ZMYM4: variants seen among roughly 807,000 people sequenced by gnomAD.
ZMYM4 encodes the protein zinc finger MYM-type protein 4.
ZMYM4 carries 31 observed loss-of-function variants against 183.2 expected under a neutral mutation model. The observed-to-expected ratio is 0.17, with a 90% CI of 0.13 to 0.23. The LOEUF is 0.23. Among genes scored for constraint, ZMYM4 ranks in the 10% least tolerant of loss-of-function variants. The probability of loss-of-function intolerance (pLI) is 1.00; values close to 1 mark genes in which losing one functional copy is unlikely to be tolerated. For missense variants in ZMYM4, 1,273 were observed against 1,840.3 expected (o/e 0.69, Z 5.64); for synonymous variants, 592 against 631.2 (o/e 0.94, Z 0.93).
In ZMYM4 at chr1:35,314,227, T is replaced by C. The variant is rs118031485; in HGVS notation, c.40-11133T>C. Among the ~76,000 whole-genome samples, 147 of 152,282 alleles carry C rather than the reference T, an allele frequency of 9.7e-4. 1 individual carries two copies. In the East Asian group the frequency reaches 0.021, roughly 22 times the overall value. On this transcript the variant is annotated intron_variant, in intron 1 of 29. Coordinates refer to ENST00000314607, the MANE Select transcript of ZMYM4 (RefSeq NM_005095.3). ...ACCAATTCTATACATTATTTTGGAC[T>C]AGTAAACTTAATGACAAAAACTATA...
chr1:35,301,461 G>A (rs982641423), intron 1 of ZMYM4, among the ~76,000 whole-genome samples: 7 of 151,542 alleles, frequency 4.6e-5, no homozygotes, highest in South Asian at 2.1e-4. Flanking sequence ...CAGGAGGATC[G>A]CTTGAACCTA....
chr1:35,296,789 G>A (rs1641034262), intron 1 of ZMYM4, among the ~76,000 whole-genome samples: 1 of 151,318 alleles, frequency 6.6e-6, no homozygotes, highest in Non-Finnish European at 1.5e-5. Flanking sequence ...GAAGTTTCAA[G>A]GTCCCATTAT....
intron 2 of ZMYM4, chr1:35,351,471 G>A: frequency 4.5e-6 from 7 of 1,566,620 alleles, no homozygotes; most frequent in Non-Finnish European, 5.2e-6. Flanking sequence ...AGAGAATCCA[G>A]TCTATGAAAA....
intron 2 of ZMYM4, among the ~76,000 whole-genome samples, chr1:35,358,613 A>G (rs1486888203): frequency 1.3e-5 from 2 of 150,514 alleles, no homozygotes; most frequent in Admixed American, 6.6e-5. Context: ...TTAGGATTAC[A>G]TAGATTTTCA....
intron 1 of ZMYM4, among the ~76,000 whole-genome samples, chr1:35,286,492 C>G (rs1290153059): frequency 6.6e-6 from 1 of 152,048 alleles, no homozygotes; most frequent in Non-Finnish European, 1.5e-5. Flanking sequence ...CTGGAGACCA[C>G]AGCCTGAACT....
At chr1:35,370,271 T>A in intron 6 of ZMYM4, 101 bp from the exon 7 acceptor site, 1 of 1,451,530 alleles carries the variant, frequency 6.9e-7, no homozygotes, top group Non-Finnish European at 9.1e-7. Context: ...CAAGACTAGT[T>A]CTAGAAGAGA....
chr1:35,351,216 G>A, intron 2 of ZMYM4: 1 of 1,443,836 alleles, frequency 6.9e-7, no homozygotes, highest in Non-Finnish European at 9.7e-7. Context: ...GAAGGGCGCT[G>A]TGGATGGAGG....
At position 35,390,014 on chromosome 1, in the gene ZMYM4, A is replaced by T. The variant is rs770788739; in HGVS notation, c.2503A>T (p.Met835Leu). 9 of 1,613,990 alleles carry T rather than the reference A, an allele frequency of 5.6e-6. No homozygotes were observed. The highest frequency in any genetic ancestry group is 2.2e-5 in the East Asian group (1 of 44,856). The change falls in exon 15 of 30, where the codon ATG (methionine) becomes TTG (leucine). Residue 835 changes from methionine (M) to leucine (L), a missense_variant. Met to Leu is a conservative substitution (Grantham distance 15). Around this residue, in one of 6 missense-constraint regions of ZMYM4, gnomAD observed 290 missense variants for 353.3 expected, o/e 0.82. Transcript: ENST00000314607. Reference sequence around the variant, plus strand: ...TGAGTCCTTGAAATGGCGAGGGGAAATGAAACATTTCTGTAACCTGCTTTG... The same window carrying T: ...TGAGTCCTTGAAATGGCGAGGGGAATTGAAACATTTCTGTAACCTGCTTTG... The part of the protein sequence containing the change: ...LSESLKWRGE[M>L]KHFCNLLCIL...
In ZMYM4 at chr1:35,300,278, A is replaced by C. The variant is rs564200939; in HGVS notation, c.40-25082A>C. Among the ~76,000 whole-genome samples the C allele has an allele frequency of 2.0e-5, 3 of 152,298 alleles. No individual in the cohort carries two copies. In the South Asian group the frequency reaches 6.2e-4, roughly 32 times the overall value. On this transcript the variant is annotated intron_variant, in intron 1 of 29. Transcript: ENST00000314607. ...CCTCCAGATTCTATTTTCCTGCCTC[A>C]GCATTGCTTCTATGAGTCTACTCTT...
chr1:35,370,443 C>A lies in ZMYM4; in HGVS notation c.997C>A (p.Pro333Thr). 1 of 1,586,586 alleles carries A rather than the reference C, an allele frequency of 6.3e-7. No individual in the cohort carries two copies. Among genetic ancestry groups the A allele is most frequent in the South Asian group, 1.1e-5 (1 of 90,440 alleles). ...CATGAATAAAATGCTTCCTTCAGTTCCAGCCACAGCTGTTCGAGTTTCCTG... is the reference window on the plus strand; with the variant it reads ...CATGAATAAAATGCTTCCTTCAGTTACAGCCACAGCTGTTCGAGTTTCCTG... ...SGMNKMLPSV[P>T]ATAVRVSCSG... Residue 333 changes from proline to threonine, a missense_variant, in exon 7 of 30, where the codon CCA becomes ACA. Pro to Thr is a conservative substitution (Grantham distance 38). This residue lies in a region of ZMYM4 where 384 missense variants were observed against 465.6 expected (regional missense o/e 0.82). Coordinates refer to ENST00000314607, the MANE Select transcript of ZMYM4 (RefSeq NM_005095.3).
At chr1:35,330,244 G>A (rs1283846694) in intron 2 of ZMYM4, among the ~76,000 whole-genome samples, 1 of 151,874 alleles carries the variant, frequency 6.6e-6, no homozygotes, top group Non-Finnish European at 1.5e-5. Flanking sequence ...GAAGAAGGGA[G>A]GGAGGGAGGG....
intron 1 of ZMYM4, among the ~76,000 whole-genome samples, chr1:35,287,525 C>G (rs1343964139): frequency 6.6e-6 from 1 of 152,120 alleles, no homozygotes; most frequent in Non-Finnish European, 1.5e-5. Context: ...TCCTTCTTCC[C>G]TGCCAATTAC....
chr1:35,273,706 C>T (rs1639727826), intron 1 of ZMYM4, among the ~76,000 whole-genome samples: 1 of 152,130 alleles, frequency 6.6e-6, no homozygotes. Context: ...TCTTGCCTCC[C>T]CACATTTGTG....
chr1:35,378,172 T>G (rs1558121504), intron 7 of ZMYM4, among the ~76,000 whole-genome samples: 1 of 152,166 alleles, frequency 6.6e-6, no homozygotes, highest in Non-Finnish European at 1.5e-5. Flanking sequence ...TCTCTTACTA[T>G]TTCTCCCACA....
intron 1 of ZMYM4, among the ~76,000 whole-genome samples, chr1:35,311,930 C>T (rs553859490): frequency 2.4e-4 from 36 of 152,120 alleles, no homozygotes; most frequent in African/African-American, 8.4e-4. Flanking sequence ...CACTCTGTCA[C>T]CCAGGCTGGA....
At chr1:35,341,755 CTT>C (rs904754493) in intron 2 of ZMYM4, among the ~76,000 whole-genome samples, 2 of 151,882 alleles carry the variant, frequency 1.3e-5, no homozygotes, top group African/African-American at 4.8e-5. Flanking sequence ...GTAGTAGTGA[CTT>C]TTGACTAATT....
At chr1:35,350,660 C>T (rs1052432691) in intron 2 of ZMYM4, 2 of 261,964 alleles carry the variant, frequency 7.6e-6, no homozygotes, top group Non-Finnish European at 1.5e-5. Context: ...CCTTCCCACT[C>T]CCAGCACTGC....
chr1:35,404,363 C>T (rs971277597), intron 23 of ZMYM4, among the ~76,000 whole-genome samples: 1 of 152,084 alleles, frequency 6.6e-6, no homozygotes, highest in Non-Finnish European at 1.5e-5. Flanking sequence ...ACTTGGCCTT[C>T]CTTTTCTAGT....
intron 18 of ZMYM4, among the ~76,000 whole-genome samples, chr1:35,394,342 T>C (rs1204156559): frequency 4.0e-5 from 6 of 151,750 alleles, no homozygotes; most frequent in African/African-American, 1.5e-4. Flanking sequence ...AGGATCCCAG[T>C]GTTCTTGGCC....
Sources: gnomAD v4.1 joint callset for allele counts (sites outside exome capture counted in the v4.1 genomes callset) on GRCh38, gnomAD v4.1.1 for gene constraint, gnomAD v4.1.1 regional missense constraint, MANE v1.5 for transcripts, NCBI Gene and HGNC (gene_info 2026-07-23, HGNC 2026-07-21) for gene names.